Variants in PCDHA6 observed in about 807,000 individuals in gnomAD.
PCDHA6 encodes protocadherin alpha-6.
PCDHA6 carries 55 observed loss-of-function variants against 60.3 expected under a neutral mutation model. That is an observed-to-expected ratio of 0.91 (90% CI 0.73 to 1.14). PCDHA6 has a LOEUF of 1.14. PCDHA6 is among the 50% of genes most tolerant of loss of function. The probability of loss-of-function intolerance (pLI) is 0.00; values close to 1 mark genes in which losing one functional copy is unlikely to be tolerated. For synonymous variants in PCDHA6, 652 were observed against 557.9 expected (o/e 1.17, Z -2.38); for missense variants, 1,327 against 1,256.5 (o/e 1.06, Z -0.85).
chr5:140,883,443 A>G (rs2059611817), intron 1 of PCDHA6: 1 of 1,614,136 alleles, frequency 6.2e-7, no homozygotes. Flanking sequence ...TTGACGCCGC[A>G]TGTCCCCTTC....
Position 140,877,055 on chromosome 5 carries a change from T to C in PCDHA6, c.2394+46570T>C, listed in dbSNP as rs566250084. 7 of 1,612,792 alleles carry C rather than the reference T, an allele frequency of 4.3e-6. No homozygotes were observed. The Admixed American group carries it at 5.0e-5, about 12-fold the overall frequency. On this transcript the variant is annotated intron_variant, in intron 1 of 3. Coordinates refer to ENST00000529310, the MANE Select transcript of PCDHA6 (RefSeq NM_018909.4). ...CTGCAGCCGCTAGACCACGAGGAGC[T>C]GGAGCTGCTGCAGTTCCAGGTGAGC... is the stretch of plus-strand genomic sequence containing the variant.
At chr5:140,856,260 G>T (rs782445424) in intron 1 of PCDHA6, 1 of 1,598,174 alleles carries the variant, frequency 6.3e-7, no homozygotes, top group Non-Finnish European at 8.6e-7. Context: ...AAAAGACACG[G>T]GGACCTTCTG....
intron 1 of PCDHA6, chr5:140,850,491 C>T (rs2150486292): frequency 1.3e-6 from 2 of 1,597,970 alleles, no homozygotes; most frequent in South Asian, 1.1e-5. Flanking sequence ...GGCCACTGTG[C>T]TGGTGTCGCT....
At chr5:140,835,792 C>T in intron 1 of PCDHA6, 6 of 1,613,122 alleles carry the variant, frequency 3.7e-6, no homozygotes, top group African/African-American at 1.3e-5. Context: ...AACAACCCGC[C>T]GGGCTGCCAC....
At chr5:140,882,646 T>C (rs1554175002) in intron 1 of PCDHA6, 1 of 1,614,112 alleles carries the variant, frequency 6.2e-7, no homozygotes, top group South Asian at 1.1e-5. Flanking sequence ...TGAGGGACAT[T>C]AACGACAACC....
chr5:140,961,887 GTTT>G (rs35680913), intron 1 of PCDHA6, among the ~76,000 whole-genome samples: 1 of 143,934 alleles, frequency 6.9e-6, no homozygotes. Context: ...ACTTACATCA[GTTT>G]TTTTTTTTTT....
chr5:140,978,633 CA>C (rs2096813426), intron 1 of PCDHA6, among the ~76,000 whole-genome samples: 1 of 152,214 alleles, frequency 6.6e-6, no homozygotes, highest in South Asian at 2.1e-4. Context: ...TTTCCTTTCT[CA>C]AAGCAGACTG....
rs558900138 is a variant in PCDHA6, at chr5:140,898,510, C to T, written c.2394+68025C>T. On this transcript the variant is annotated intron_variant, in intron 1 of 3. Coordinates refer to ENST00000529310, the MANE Select transcript of PCDHA6 (RefSeq NM_018909.4). ...AGATCAGATAGTTGTAGATATGCGG[C>T]GTTATTTCTGAGGGCTCTGTTCTGT... Among the ~76,000 whole-genome samples, 9 of 152,196 alleles carry T rather than the reference C, an allele frequency of 5.9e-5. No homozygotes were observed. In the South Asian group the frequency reaches 6.2e-4, roughly 11 times the overall value.
chr5:140,993,449 C>T (rs2097557237), intron 3 of PCDHA6, among the ~76,000 whole-genome samples: 1 of 144,318 alleles, frequency 6.9e-6, no homozygotes, highest in Non-Finnish European at 1.5e-5. Context: ...TTCCTGTTCT[C>T]CTTCTTTCTT....
chr5:140,850,431 C>T (rs2150484020), intron 1 of PCDHA6: 3 of 1,597,912 alleles, frequency 1.9e-6, no homozygotes, highest in Non-Finnish European at 1.7e-6. Flanking sequence ...ACCGCGCCAG[C>T]GCCTACTGGT....
chr5:140,828,806 G>A lies in PCDHA6; in HGVS notation c.715G>A (p.Ala239Thr). The change falls in exon 1 of 4, where the codon GCT (alanine) becomes ACT (threonine). Residue 239 changes from alanine (A) to threonine (T), a missense_variant. Ala to Thr is a moderately conservative substitution (Grantham distance 58, BLOSUM62 0). Transcript: ENST00000529310. Reference sequence around the variant, plus strand: ...CACAGTGCTGGATGTGAATGATAATGCTCCCACTTTCGAACAGTCTGAATA... The same window carrying A: ...CACAGTGCTGGATGTGAATGATAATACTCCCACTTTCGAACAGTCTGAATA... ...LVTVLDVNDN[A>T]PTFEQSEYEV... The A allele has an allele frequency of 1.2e-6, 2 of 1,614,220 alleles. No homozygotes were observed. Among genetic ancestry groups the A allele is most frequent in the Non-Finnish European group, 1.7e-6 (2 of 1,180,030 alleles).
intron 1 of PCDHA6, among the ~76,000 whole-genome samples, chr5:140,892,640 T>C (rs1250881102): frequency 2.0e-5 from 3 of 152,208 alleles, no homozygotes; most frequent in Non-Finnish European, 4.4e-5. Flanking sequence ...ATTGTACATA[T>C]TTATAGGATA....
intron 1 of PCDHA6, chr5:140,836,260 T>C (rs2150256538): frequency 6.2e-7 from 1 of 1,613,780 alleles, no homozygotes; most frequent in Admixed American, 1.7e-5. Flanking sequence ...CGCGTGGGGC[T>C]GTACACTGGT....
intron 1 of PCDHA6, among the ~76,000 whole-genome samples, chr5:140,948,646 G>A (rs1030231985): frequency 3.3e-5 from 5 of 151,616 alleles, no homozygotes; most frequent in South Asian, 2.1e-4. Context: ...ATCTTTTAAC[G>A]TCTGTATAAT....
chr5:140,967,084 T>G (rs782593106), intron 1 of PCDHA6: 1 of 1,613,270 alleles, frequency 6.2e-7, no homozygotes, highest in Admixed American at 1.7e-5. Context: ...AGCGCATTGA[T>G]CGGGAGGCGC....
intron 1 of PCDHA6, chr5:140,929,146 CAG>C (rs782305171): frequency 6.2e-7 from 1 of 1,614,180 alleles, no homozygotes; most frequent in Non-Finnish European, 8.5e-7. Flanking sequence ...GAGACTTTCT[CAG>C]ACTTATCTCT....
chr5:140,909,856 C>T (rs575107041), intron 1 of PCDHA6, among the ~76,000 whole-genome samples: 2 of 152,286 alleles, frequency 1.3e-5, no homozygotes, highest in South Asian at 2.1e-4. Context: ...TTTTCGGTCC[C>T]CTGGAGTCAA....
intron 1 of PCDHA6, among the ~76,000 whole-genome samples, chr5:140,893,163 T>C (rs557235731): frequency 6.6e-6 from 1 of 152,354 alleles, no homozygotes; most frequent in African/African-American, 2.4e-5. Flanking sequence ...GATATTGAGG[T>C]TGATTCCACA....
At chr5:140,891,022 G>C (rs2062905127) in intron 1 of PCDHA6, among the ~76,000 whole-genome samples, 1 of 151,804 alleles carries the variant, frequency 6.6e-6, no homozygotes, top group South Asian at 2.1e-4. Context: ...TTTTCTGAGG[G>C]TATAATCTTA....
Sources: allele counts gnomAD v4.1 joint callset (sites outside exome capture counted in the v4.1 genomes callset), GRCh38; gene constraint gnomAD v4.1.1; transcripts MANE v1.5; gene names NCBI Gene and HGNC (gene_info 2026-07-23, HGNC 2026-07-21).